Variants in SLC26A3 observed in about 807,000 individuals in gnomAD.
SLC26A3 encodes solute carrier family 26 member 3, also known as chloride anion exchanger.
Under a neutral mutation model 85.6 loss-of-function variants are expected in SLC26A3, and 64 were observed. The ratio of observed to expected loss-of-function variants is 0.75; its 90% CI spans 0.61 to 0.92. SLC26A3 has a LOEUF of 0.92. Among genes scored for constraint, SLC26A3 ranks in the 40% least tolerant of loss-of-function variants. The pLI is 0.00. For synonymous variants in SLC26A3, 349 were observed against 336.0 expected, an observed-to-expected ratio of 1.04 and a Z score of -0.42; for missense variants, 922 against 927.3, an observed-to-expected ratio of 0.99 and a Z score of 0.07.
intron 14 of SLC26A3, 39 bp downstream of exon 14, chr7:107,776,598 T>C (rs375208976): frequency 1.9e-6 from 3 of 1,607,166 alleles, no homozygotes; most frequent in Admixed American, 1.7e-5. Context: ...ATAGTTAATA[T>C]CATTTAGCAA....
At chr7:107,789,734 C>A (rs372341417) in intron 5 of SLC26A3, 46 bp from the exon 6 acceptor site, 155 of 1,575,042 alleles carry the variant, frequency 9.8e-5, no homozygotes, top group Non-Finnish European at 1.3e-4. Flanking sequence ...TAGGAGTATA[C>A]CTCAGCAAAC....
At chr7:107,784,943 A>G (rs1002519828) in intron 8 of SLC26A3, among the ~76,000 whole-genome samples, 1 of 152,210 alleles carries the variant, frequency 6.6e-6, no homozygotes. Flanking sequence ...CAAAATAACT[A>G]CTAAGGTGGC....
rs549343351 is a variant in SLC26A3 at position 107,787,905 on chromosome 7, T to A, written c.736-396A>T. 5.9e-5 allele frequency among the ~76,000 whole-genome samples: 9 copies of A among 152,380 alleles called. No individual in the cohort carries two copies. In the East Asian group the frequency reaches 1.7e-3, roughly 29 times the overall value. ...CCAGGGAATAACTTCTGATCTTTGATAGTTTTGCTTAGTATGCTCAATTCC... is the reference window on the plus strand; with the variant it reads ...CCAGGGAATAACTTCTGATCTTTGAAAGTTTTGCTTAGTATGCTCAATTCC... On this transcript the variant is annotated intron_variant, in intron 6 of 20. Transcript: ENST00000340010.
chr7:107,776,167 G>C, intron 15 of SLC26A3: 1 of 451,048 alleles, frequency 2.2e-6, no homozygotes, highest in East Asian at 4.3e-5. Context: ...TCTACTAAAA[G>C]CTAGCAGCCC....
In SLC26A3 at chr7:107,767,577, A is replaced by T; in HGVS notation, c.2271+2T>A. On this transcript the variant is annotated splice_donor_variant, in intron 20 of 20. Coordinates refer to ENST00000340010, the MANE Select transcript of SLC26A3 (RefSeq NM_000111.3). LOFTEE classifies it high-confidence loss of function. Reference sequence around the variant, plus strand: ...GAAGATAAACCTGTTGAAGAATCTTACCTCATATACCCGATTACGTAATCC... The same window carrying T: ...GAAGATAAACCTGTTGAAGAATCTTTCCTCATATACCCGATTACGTAATCC... 6.2e-7 allele frequency: 1 copy of T among 1,602,266 alleles called. No individual in the cohort carries two copies. The highest frequency in any genetic ancestry group is 8.5e-7 in the Non-Finnish European group (1 of 1,169,914).
In SLC26A3 at chr7:107,783,056, C is replaced by A; in HGVS notation, c.1157G>T (p.Gly386Val). The A allele has an allele frequency of 6.2e-7, 1 of 1,614,188 alleles. No individual in the cohort carries two copies. Among genetic ancestry groups the A allele is most frequent in the Non-Finnish European group, 8.5e-7 (1 of 1,180,018 alleles). Residue 386 changes from glycine to valine, a missense_variant, in exon 10 of 21, where the codon GGA becomes GTA. Transcript: ENST00000340010. ...ACTCCCAGCAAATCCTCTGAATACT[C>A]CACAGACTATGTTACCCAGTCCCAA... ...IALGLGNIVCGVFRGFAGSTA... is the reference protein window; with the variant it reads ...IALGLGNIVCVVFRGFAGSTA...
intron 1 of SLC26A3, among the ~76,000 whole-genome samples, chr7:107,794,846 T>C (rs1329356915): frequency 2.6e-5 from 4 of 152,232 alleles, no homozygotes; most frequent in Admixed American, 2.6e-4. Flanking sequence ...AGTTTATGAA[T>C]CAATTAGTCA....
intron 1 of SLC26A3, among the ~76,000 whole-genome samples, chr7:107,799,287 C>T (rs953470282): frequency 6.6e-6 from 1 of 152,208 alleles, no homozygotes; most frequent in Non-Finnish European, 1.5e-5. Context: ...AAGAGTGAGA[C>T]TTTGGCAACT....
intron 17 of SLC26A3, among the ~76,000 whole-genome samples, 179 bp downstream of exon 17, chr7:107,773,739 CGG>C (rs1476689063): frequency 2.0e-5 from 3 of 152,146 alleles, no homozygotes. Context: ...TTAGTAGAGA[CGG>C]GGCTTCGCCA....
At chr7:107,784,695 G>T (rs548919207) in intron 8 of SLC26A3, among the ~76,000 whole-genome samples, 1 of 152,276 alleles carries the variant, frequency 6.6e-6, no homozygotes, top group Admixed American at 6.5e-5. Flanking sequence ...ACCTCCCAAC[G>T]TGCTGAGATT....
intron 1 of SLC26A3, among the ~76,000 whole-genome samples, chr7:107,801,702 A>G (rs1794600894): frequency 6.6e-6 from 1 of 152,144 alleles, no homozygotes; most frequent in Admixed American, 6.5e-5. Context: ...TCCCTTATCC[A>G]GAGGGAGAAG....
Position 107,787,347 on chromosome 7 carries a change from G to T in SLC26A3, c.888+10C>A. 1.2e-6 allele frequency: 2 copies of T among 1,613,520 alleles called. No individual in the cohort carries two copies. Among genetic ancestry groups the T allele is most frequent in the South Asian group, 1.1e-5 (1 of 91,014 alleles). Reference sequence around the variant, plus strand: ...AGTAGCTATGACAGAGTCTGAAAATGATCAATTACCATAATGAATTCGATT... The same window carrying T: ...AGTAGCTATGACAGAGTCTGAAAATTATCAATTACCATAATGAATTCGATT... On this transcript the variant is annotated intron_variant, in intron 7 of 20. Transcript: ENST00000340010.
intron 8 of SLC26A3, among the ~76,000 whole-genome samples, chr7:107,783,626 C>T (rs1263712449): frequency 3.3e-5 from 5 of 152,196 alleles, no homozygotes; most frequent in African/African-American, 1.2e-4. Context: ...CTATAATGTG[C>T]GTGTGTATTC....
At chr7:107,767,153 G>A (rs1329370654) in intron 20 of SLC26A3, among the ~76,000 whole-genome samples, 2 of 152,104 alleles carry the variant, frequency 1.3e-5, no homozygotes, top group African/African-American at 2.4e-5. Flanking sequence ...TTGCTTGACT[G>A]GGCACTGTGC....
intron 1 of SLC26A3, among the ~76,000 whole-genome samples, chr7:107,799,085 A>G (rs1794559229): frequency 6.6e-6 from 1 of 152,124 alleles, no homozygotes; most frequent in African/African-American, 2.4e-5. Flanking sequence ...TGGCATCAGA[A>G]TGGGAGAGGG....
chr7:107,769,587 G>A (rs906659150), intron 18 of SLC26A3, among the ~76,000 whole-genome samples: 1 of 152,106 alleles, frequency 6.6e-6, no homozygotes, highest in Non-Finnish European at 1.5e-5. Flanking sequence ...AGGGTGAAGG[G>A]TGGGAGGAAG....
intron 20 of SLC26A3, among the ~76,000 whole-genome samples, chr7:107,766,572 A>G (rs1227675637): frequency 6.6e-6 from 1 of 152,106 alleles, no homozygotes. Context: ...GACCTTTGCT[A>G]CTTGATACCA....
Position 107,787,812 on chromosome 7 carries a change from A to G in SLC26A3, c.736-303T>C, listed in dbSNP as rs1339127977. Among the ~76,000 whole-genome samples the G allele has an allele frequency of 4.6e-5, 7 of 151,654 alleles. 1 individual carries two copies. The highest frequency in any genetic ancestry group is 4.6e-4 in the Admixed American group (7 of 15,228). ...GTTGGATACTTTTCACATTTTTACC[A>G]CTGGTCTTCTGCCCTTATTAGGTCT... On this transcript the variant is annotated intron_variant, in intron 6 of 20. Coordinates refer to ENST00000340010, the MANE Select transcript of SLC26A3 (RefSeq NM_000111.3).
In SLC26A3 at chr7:107,794,026, G is replaced by T. The variant is rs1043907982; in HGVS notation, c.132-145C>A. The T allele has an allele frequency of 5.4e-6, 6 of 1,103,444 alleles. No homozygotes were observed. The East Asian group carries it at 1.0e-4, about 19-fold the overall frequency. 68.4% of individuals were successfully genotyped at this position (1,103,444 alleles called of 1,614,324 possible). On this transcript the variant is annotated intron_variant, in intron 2 of 20. Coordinates refer to ENST00000340010, the MANE Select transcript of SLC26A3 (RefSeq NM_000111.3). ...CAGTAACATTCTTTACCCATAATCA[G>T]CTGCCCTCTGGTCACCAACAAAGGA...
Sources: gnomAD v4.1 joint callset for allele counts (sites outside exome capture counted in the v4.1 genomes callset) on GRCh38, gnomAD v4.1.1 for gene constraint, MANE v1.5 for transcripts, NCBI Gene and HGNC (gene_info 2026-07-23, HGNC 2026-07-21) for gene names.